Variants in PLIN2 observed in about 807,000 individuals in gnomAD.
The protein encoded by PLIN2 is perilipin 2, also known as perilipin-2.
A neutral mutation model predicts 30.6 loss-of-function variants in PLIN2; 33 were observed. The observed-to-expected ratio is 1.08, with a 90% CI of 0.82 to 1.44. The LOEUF is 1.44. PLIN2 is among the 40% of genes most tolerant of loss of function. The pLI is 0.00. For missense variants in PLIN2, 610 were observed against 531.8 expected (o/e 1.15, Z -1.45); for synonymous variants, 205 against 201.1 (o/e 1.02, Z -0.16).
chr9:19,112,166 T>G (rs1346696504), downstream of PLIN2, among the ~76,000 whole-genome samples: 1 of 152,172 alleles, frequency 6.6e-6, no homozygotes, highest in Admixed American at 6.6e-5. Flanking sequence ...TCATATTCCT[T>G]TGCATTTTTG....
Position 19,117,136 on chromosome 9 carries a change from C to G in PLIN2, c.913-487G>C, listed in dbSNP as rs539831358. On this transcript the variant is annotated intron_variant, in intron 7 of 7. Coordinates refer to ENST00000276914, the MANE Select transcript of PLIN2 (RefSeq NM_001122.4). ...TTCCTCCCTGCTTCCCTTCCTTTTT[C>G]TTTCTTTCTTCTTTCTTTCTTTTCT... Among the ~76,000 whole-genome samples, 4 of 151,902 alleles carry G rather than the reference C, an allele frequency of 2.6e-5. 1 individual carries two copies. The South Asian group carries it at 8.3e-4, about 32-fold the overall frequency.
At chr9:19,108,984 T>TA (rs1818125497) in intron 2 of PLIN2, among the ~76,000 whole-genome samples, 2 of 152,212 alleles carry the variant, frequency 1.3e-5, no homozygotes, top group Admixed American at 6.5e-5. Flanking sequence ...GAAGCTTTTT[T>TA]AAAAAATACC....
intron 4 of PLIN2, among the ~76,000 whole-genome samples, chr9:19,122,490 ATATAG>A (rs1818334489): frequency 6.7e-6 from 1 of 149,242 alleles, no homozygotes; most frequent in Non-Finnish European, 1.5e-5. Flanking sequence ...GCTATATACC[ATATAG>A]CCTAGGTATA....
intron 5 of PLIN2, among the ~76,000 whole-genome samples, 192 bp from the exon 6 acceptor site, chr9:19,120,023 C>G (rs938176854): frequency 6.6e-6 from 1 of 151,750 alleles, no homozygotes; most frequent in African/African-American, 2.4e-5. Context: ...ATCTGATACA[C>G]ACTGCATGCA....
downstream of PLIN2, among the ~76,000 whole-genome samples, chr9:19,112,657 A>C (rs1456336366): frequency 6.6e-6 from 1 of 150,864 alleles, no homozygotes; most frequent in Non-Finnish European, 1.5e-5. Context: ...GCAGTGAGCC[A>C]ATCACACCAC....
downstream of PLIN2, among the ~76,000 whole-genome samples, chr9:19,114,041 G>C (rs888725102): frequency 1.3e-5 from 2 of 152,052 alleles, no homozygotes; most frequent in Non-Finnish European, 2.9e-5. Flanking sequence ...GCCTCCCAAT[G>C]TGCTGGGATT....
chr9:19,119,905 G>A (rs993393691), intron 5 of PLIN2, 74 bp from the exon 6 acceptor site: 10 of 958,226 alleles, frequency 1.0e-5, no homozygotes, highest in Admixed American at 7.1e-5. Flanking sequence ...ACTCTAACCT[G>A]GGTCTTGACT....
In PLIN2 at chr9:19,127,328, TC is replaced by T; in HGVS notation, c.-23+90del. The stretch of plus-strand genomic sequence containing the variant: ...AGCCCCGCGGGGAGCAGAGCAGCGG[TC>T]CCAAGGCCCCGGGGAGCCCCCCACC... On this transcript the variant is annotated intron_variant, in intron 1 of 7. Coordinates refer to ENST00000276914, the MANE Select transcript of PLIN2 (RefSeq NM_001122.4). The surrounding 1 kb of genome is among the most constrained non-coding windows in gnomAD (Gnocchi z 4.3). 6.6e-6 allele frequency: 1 copy of T among 152,224 alleles called. No individual in the cohort carries two copies. Among genetic ancestry groups the T allele is most frequent in the Non-Finnish European group, 1.5e-5 (1 of 68,054 alleles). 9.4% of individuals were successfully genotyped at this position (152,224 alleles called of 1,614,324 possible). A position where few individuals can be genotyped will look rare whatever the true frequency, so the allele number is the denominator to read the frequency against.
At chr9:19,113,642 C>T (rs1428074787), downstream of PLIN2, among the ~76,000 whole-genome samples, 1 of 150,644 alleles carries the variant, frequency 6.6e-6, no homozygotes, top group Non-Finnish European at 1.5e-5. Context: ...GTCACAATCT[C>T]GGCTCACTGC....
chr9:19,118,197 A>C (rs1818259712), intron 7 of PLIN2, 124 bp downstream of exon 7: 8 of 942,646 alleles, frequency 8.5e-6, no homozygotes, highest in Non-Finnish European at 1.1e-5. Flanking sequence ...CCACCTATGT[A>C]CATGGTATTG....
chr9:19,123,069 T>C (rs535092936), intron 4 of PLIN2, among the ~76,000 whole-genome samples: 2 of 152,352 alleles, frequency 1.3e-5, no homozygotes, highest in South Asian at 4.1e-4. Flanking sequence ...CTAACTGGTA[T>C]CCTTTTGTGC....
At chr9:19,117,556 A>G (rs1363140945) in intron 7 of PLIN2, among the ~76,000 whole-genome samples, 1 of 151,660 alleles carries the variant, frequency 6.6e-6, no homozygotes, top group Non-Finnish European at 1.5e-5. Context: ...CATCTCTTCC[A>G]GAAAGCAATG....
chr9:19,114,060 T>C (rs1274030773), downstream of PLIN2, among the ~76,000 whole-genome samples: 1 of 151,900 alleles, frequency 6.6e-6, no homozygotes, highest in African/African-American at 2.4e-5. Flanking sequence ...TTACAGGCCG[T>C]GAGCTACCAA....
intron 3 of PLIN2, among the ~76,000 whole-genome samples, chr9:19,124,802 A>T (rs937825648): frequency 3.9e-5 from 6 of 152,218 alleles, no homozygotes; most frequent in African/African-American, 1.4e-4. Flanking sequence ...CATTATACAT[A>T]ATCTCCAAAA....
intron 4 of PLIN2, chr9:19,123,117 A>G: frequency 2.0e-6 from 1 of 488,576 alleles, no homozygotes; most frequent in East Asian, 3.4e-5. Flanking sequence ...ATTTTAGGAC[A>G]TTATCTGAAC....
downstream of PLIN2, among the ~76,000 whole-genome samples, chr9:19,114,409 A>ATT (rs60356531): frequency 2.1e-5 from 3 of 144,242 alleles, no homozygotes; most frequent in African/African-American, 7.6e-5. Context: ...TCTATTTCAC[A>ATT]TTTTTTTTTT....
intron 3 of PLIN2, chr9:19,125,673 G>T (rs1386045484): frequency 6.3e-6 from 1 of 157,734 alleles, no homozygotes; most frequent in Non-Finnish European, 1.4e-5. Flanking sequence ...GCTCACGCCT[G>T]TAATCCCAGC....
intron 5 of PLIN2, among the ~76,000 whole-genome samples, 164 bp from the exon 6 acceptor site, chr9:19,119,995 C>T (rs750558846): frequency 1.3e-5 from 2 of 152,084 alleles, no homozygotes; most frequent in African/African-American, 2.4e-5. Flanking sequence ...GACTTGACTA[C>T]CCTGAACATA....
chr9:19,114,041 G>A (rs888725102), downstream of PLIN2, among the ~76,000 whole-genome samples: 5 of 152,052 alleles, frequency 3.3e-5, no homozygotes, highest in Admixed American at 1.3e-4. Flanking sequence ...GCCTCCCAAT[G>A]TGCTGGGATT....
Sources: gnomAD v4.1 joint callset for allele counts (sites outside exome capture counted in the v4.1 genomes callset) on GRCh38, gnomAD v4.1.1 for gene constraint, Gnocchi (gnomAD v3.1) non-coding constraint, MANE v1.5 for transcripts, NCBI Gene and HGNC (gene_info 2026-07-23, HGNC 2026-07-21) for gene names.